Variants in SUPT3H observed in about 807,000 individuals in gnomAD.
The protein encoded by SUPT3H is SPT3 homolog, SAGA and STAGA complex component.
Under a neutral mutation model 44.3 loss-of-function variants are expected in SUPT3H, and 44 were observed. The ratio of observed to expected loss-of-function variants is 0.99; its 90% CI spans 0.78 to 1.28. SUPT3H has a LOEUF of 1.28. Among genes scored for constraint, SUPT3H ranks in the 50% most tolerant of loss-of-function variants. The pLI is 0.00. For synonymous variants in SUPT3H, 124 were observed against 125.6 expected, an observed-to-expected ratio of 0.99 and a Z score of 0.09; for missense variants, 380 against 387.1, an observed-to-expected ratio of 0.98 and a Z score of 0.15.
intron 2 of SUPT3H, among the ~76,000 whole-genome samples, chr6:45,338,954 A>G (rs545208473): frequency 6.6e-6 from 1 of 152,222 alleles, no homozygotes; most frequent in African/African-American, 2.4e-5. Context: ...AGTATAAACT[A>G]TTTACACTCA....
Position 44,827,952 on chromosome 6 carries a change from T to G in SUPT3H, c.*1864A>C, listed in dbSNP as rs1369670565. On this transcript the variant is annotated 3_prime_UTR_variant, in exon 11 of 11. Coordinates refer to ENST00000371459, the MANE Select transcript of SUPT3H (RefSeq NM_003599.4). ...GACCAACAAAAACACAGACCTGTCA[T>G]ATTTCTGAGAGAAATGTACATTGAG... 1.3e-5 allele frequency among the ~76,000 whole-genome samples: 2 copies of G among 152,144 alleles called. No individual in the cohort carries two copies. The highest frequency in any genetic ancestry group is 4.8e-5 in the African/African-American group (2 of 41,464).
intron 2 of SUPT3H, among the ~76,000 whole-genome samples, chr6:45,176,601 T>C (rs1236545688): frequency 7.2e-5 from 11 of 152,160 alleles, no homozygotes; most frequent in African/African-American, 2.7e-4. Flanking sequence ...CCTGCCTCTG[T>C]AGGCTCCACC....
intron 2 of SUPT3H, among the ~76,000 whole-genome samples, chr6:45,351,551 A>C (rs970412250): frequency 6.6e-6 from 1 of 152,142 alleles, no homozygotes; most frequent in African/African-American, 2.4e-5. Flanking sequence ...GGACGATGAG[A>C]TTTCCAAGGT....
intron 10 of SUPT3H, among the ~76,000 whole-genome samples, chr6:44,911,645 C>CA (rs1767066101): frequency 6.6e-6 from 1 of 152,000 alleles, no homozygotes; most frequent in African/African-American, 2.4e-5. Flanking sequence ...AGAAGGTATT[C>CA]ACAATTCTAA....
intron 10 of SUPT3H, among the ~76,000 whole-genome samples, chr6:44,865,033 T>C (rs1261007918): frequency 1.3e-5 from 2 of 152,188 alleles, no homozygotes; most frequent in Non-Finnish European, 2.9e-5. Flanking sequence ...GGTTAGAAAT[T>C]TCTTCTGCCA....
At chr6:44,857,437 C>T (rs1029086003) in intron 10 of SUPT3H, among the ~76,000 whole-genome samples, 4 of 151,992 alleles carry the variant, frequency 2.6e-5, no homozygotes, top group Non-Finnish European at 4.4e-5. Context: ...GTTTACTTTG[C>T]TCTATTAAAA....
In SUPT3H at chr6:45,306,837, C is replaced by A. The variant is rs532667647; in HGVS notation, c.101+58364G>T. Among the ~76,000 whole-genome samples, 7 of 152,338 alleles carry A rather than the reference C, an allele frequency of 4.6e-5. No homozygotes were observed. In the South Asian group the frequency reaches 1.2e-3, roughly 27 times the overall value. Reference sequence around the variant, plus strand: ...GAGCGTGAGCCAAAGCAGGGCGAGGCATCGCCTCACCCTGGAAGTGCAAGG... The same window carrying A: ...GAGCGTGAGCCAAAGCAGGGCGAGGAATCGCCTCACCCTGGAAGTGCAAGG... On this transcript the variant is annotated intron_variant, in intron 2 of 10. Transcript: ENST00000371459.
At chr6:45,111,375 A>C (rs1204067029) in intron 2 of SUPT3H, among the ~76,000 whole-genome samples, 1 of 152,002 alleles carries the variant, frequency 6.6e-6, no homozygotes, top group African/African-American at 2.4e-5. Flanking sequence ...GGTGTTAGAA[A>C]ATCTTTTTGC....
chr6:44,849,220 C>CTAATTTTT (rs746924269), intron 10 of SUPT3H, among the ~76,000 whole-genome samples: 41 of 96,632 alleles, frequency 4.2e-4, no homozygotes, highest in Admixed American at 6.2e-4. Context: ...CAAATGAATA[C>CTAATTTTT]TTTTTTTTTT....
At chr6:45,340,991 ACTT>A (rs1789661441) in intron 2 of SUPT3H, among the ~76,000 whole-genome samples, 1 of 152,178 alleles carries the variant, frequency 6.6e-6, no homozygotes, top group Admixed American at 6.5e-5. Flanking sequence ...CTAAGCTTTA[ACTT>A]CTAATTATAA....
At chr6:45,234,999 C>T (rs1584413683) in intron 2 of SUPT3H, among the ~76,000 whole-genome samples, 1 of 152,034 alleles carries the variant, frequency 6.6e-6, no homozygotes, top group Non-Finnish European at 1.5e-5. Flanking sequence ...ATGAAAATAC[C>T]TCTCATGAGA....
chr6:44,929,854 A>T (rs1178612528), intron 10 of SUPT3H, among the ~76,000 whole-genome samples: 5 of 151,522 alleles, frequency 3.3e-5, no homozygotes, highest in Admixed American at 3.3e-4. Context: ...CTACAAATCC[A>T]TCCCATTTTA....
At chr6:45,223,717 C>T (rs1766444318) in intron 2 of SUPT3H, among the ~76,000 whole-genome samples, 1 of 151,494 alleles carries the variant, frequency 6.6e-6, no homozygotes, top group Non-Finnish European at 1.5e-5. Flanking sequence ...TCTAAAATTA[C>T]CAAATATTTA....
chr6:45,189,029 C>T lies in SUPT3H; in HGVS notation c.102-83023G>A, dbSNP rs532467848. Among the ~76,000 whole-genome samples, 27 of 152,154 alleles carry T rather than the reference C, an allele frequency of 1.8e-4. No homozygotes were observed. In the South Asian group the frequency reaches 4.6e-3, roughly 26 times the overall value. ...GTTGCCCAAGGTGGTCTTGAACTCA[C>T]GGGCTCAAGTGAACCTCCTGCATTG... On this transcript the variant is annotated intron_variant, in intron 2 of 10. Coordinates refer to ENST00000371459, the MANE Select transcript of SUPT3H (RefSeq NM_003599.4).
intron 10 of SUPT3H, among the ~76,000 whole-genome samples, chr6:44,906,259 G>A (rs1450150114): frequency 6.6e-6 from 1 of 152,114 alleles, no homozygotes; most frequent in Non-Finnish European, 1.5e-5. Context: ...AATGCAAAGA[G>A]ATTAGATAGT....
At chr6:45,222,196 AAG>A (rs1465486711) in intron 2 of SUPT3H, among the ~76,000 whole-genome samples, 2 of 152,136 alleles carry the variant, frequency 1.3e-5, no homozygotes, top group Non-Finnish European at 2.9e-5. Context: ...TTTAGAATCT[AAG>A]GCTAGGATTG....
chr6:45,074,936 G>A (rs1794821251), intron 3 of SUPT3H, among the ~76,000 whole-genome samples: 1 of 152,020 alleles, frequency 6.6e-6, no homozygotes, highest in African/African-American at 2.4e-5. Context: ...CTGAGTTTCT[G>A]CTATGTGCTT....
At chr6:45,083,176 T>C (rs756739657) in intron 3 of SUPT3H, among the ~76,000 whole-genome samples, 2 of 53,684 alleles carry the variant, frequency 3.7e-5, no homozygotes, top group African/African-American at 5.3e-5. Context: ...TCATTATTAT[T>C]ATTATTATTA....
At chr6:45,019,159 T>C (rs1354699347) in intron 4 of SUPT3H, among the ~76,000 whole-genome samples, 1 of 152,186 alleles carries the variant, frequency 6.6e-6, no homozygotes, top group African/African-American at 2.4e-5. Context: ...TATTCTCTGA[T>C]GGTAGTTTGT....
Sources: gnomAD v4.1 joint callset for allele counts (sites outside exome capture counted in the v4.1 genomes callset) on GRCh38, gnomAD v4.1.1 for gene constraint, MANE v1.5 for transcripts, NCBI Gene and HGNC (gene_info 2026-07-23, HGNC 2026-07-21) for gene names.